The following GALNT10 variants were observed in gnomAD, a reference collection of about 807,000 sequenced individuals.
The protein encoded by GALNT10 is polypeptide N-acetylgalactosaminyltransferase 10.
GALNT10 carries 41 observed loss-of-function variants against 75.0 expected under a neutral mutation model. The observed-to-expected ratio is 0.55, with a 90% confidence interval of 0.43 to 0.71. The LOEUF (loss-of-function observed/expected upper bound fraction) is 0.71. Among genes scored for constraint, GALNT10 ranks in the 30% least tolerant of loss-of-function variants. GALNT10 has a pLI of 0.00. For missense variants in GALNT10, 727 were observed against 818.5 expected, an observed-to-expected ratio of 0.89 and a Z score of 1.36; for synonymous variants, 302 against 313.0, an observed-to-expected ratio of 0.96 and a Z score of 0.37.
In GALNT10 at chr5:154,190,946, T is replaced by A; in HGVS notation, c.80T>A (p.Leu27His). The A allele has an allele frequency of 1.3e-6, 2 of 1,510,716 alleles. No individual in the cohort carries two copies. Among genetic ancestry groups the A allele is most frequent in the Non-Finnish European group, 1.8e-6 (2 of 1,132,166 alleles). 93.6% of individuals were successfully genotyped at this position (1,510,716 alleles called of 1,614,324 possible). Residue 27 changes from leucine to histidine, a missense_variant, in exon 1 of 12, where the codon CTT becomes CAT. Coordinates refer to ENST00000297107, the MANE Select transcript of GALNT10 (RefSeq NM_198321.4). ...CTGGTCCTCCTGCCCAACGTGGGGCTTTGGGCGCTGTACCGCGAGCGGCAG... is the reference window on the plus strand; with the variant it reads ...CTGGTCCTCCTGCCCAACGTGGGGCATTGGGCGCTGTACCGCGAGCGGCAG... ...AALVLLPNVGLWALYRERQPD... is the reference protein window; with the variant it reads ...AALVLLPNVGHWALYRERQPD...
intron 1 of GALNT10, among the ~76,000 whole-genome samples, chr5:154,252,973 T>C (rs1489137166): frequency 1.7e-5 from 1 of 57,854 alleles, no homozygotes; most frequent in Non-Finnish European, 5.3e-5. Flanking sequence ...AACTGTTTTT[T>C]GTTTGTTTGG....
At chr5:154,302,495 G>A (rs994158626) in intron 3 of GALNT10, among the ~76,000 whole-genome samples, 8 of 152,246 alleles carry the variant, frequency 5.3e-5, no homozygotes, top group Non-Finnish European at 1.5e-5. Context: ...GCAACTGAGC[G>A]TGGAGGCCCC....
At chr5:154,299,858 A>G (rs1754335673) in intron 3 of GALNT10, among the ~76,000 whole-genome samples, 1 of 130,650 alleles carries the variant, frequency 7.7e-6, no homozygotes, top group Non-Finnish European at 1.6e-5. Context: ...TTTTTGAGAC[A>G]GGGTCTCGCC....
chr5:154,240,472 G>A (rs2113667830), intron 1 of GALNT10, among the ~76,000 whole-genome samples: 1 of 152,288 alleles, frequency 6.6e-6, no homozygotes. Context: ...CAATTTTGTG[G>A]ACTTCTCAGT....
In GALNT10 at chr5:154,409,230, A is replaced by G. The variant is rs996454244; in HGVS notation, c.1165-311A>G. ...GGGTCCATGCCTTTCCTCCTGCCACATGAGCTGACAGGGAGACAGGGTGGC... is the reference window on the plus strand; with the variant it reads ...GGGTCCATGCCTTTCCTCCTGCCACGTGAGCTGACAGGGAGACAGGGTGGC... On this transcript the variant is annotated intron_variant, in intron 8 of 11. Coordinates refer to ENST00000297107, the MANE Select transcript of GALNT10 (RefSeq NM_198321.4). The surrounding 1 kb of genome is among the most constrained non-coding windows in gnomAD (Gnocchi z 4.5). Among the ~76,000 whole-genome samples the G allele has an allele frequency of 3.9e-5, 6 of 152,178 alleles. No homozygotes were observed. The highest frequency in any genetic ancestry group is 1.9e-4 in the East Asian group (1 of 5,196).
chr5:154,383,032 G>A (rs1184813984), intron 6 of GALNT10, among the ~76,000 whole-genome samples: 1 of 152,216 alleles, frequency 6.6e-6, no homozygotes, highest in East Asian at 1.9e-4. Flanking sequence ...ACTGGAGTCT[G>A]GGGGTGGGAT....
chr5:154,269,085 A>T (rs1280810144), intron 1 of GALNT10, among the ~76,000 whole-genome samples: 1 of 91,592 alleles, frequency 1.1e-5, no homozygotes, highest in African/African-American at 6.6e-5. Flanking sequence ...TCCCGGGTTC[A>T]GGTGATTCCC....
intron 1 of GALNT10, among the ~76,000 whole-genome samples, chr5:154,194,836 T>C (rs1774910853): frequency 6.6e-6 from 1 of 152,240 alleles, no homozygotes; most frequent in Non-Finnish European, 1.5e-5. Context: ...TAACGACATA[T>C]GGAAACTCAT....
At chr5:154,268,538 C>T (rs1197562211) in intron 1 of GALNT10, among the ~76,000 whole-genome samples, 2 of 152,128 alleles carry the variant, frequency 1.3e-5, no homozygotes, top group African/African-American at 4.8e-5. Context: ...ACAGTGTGCA[C>T]ATCTGAGTAA....
intron 1 of GALNT10, among the ~76,000 whole-genome samples, chr5:154,215,053 G>C (rs1752844288): frequency 6.6e-6 from 1 of 152,156 alleles, no homozygotes; most frequent in Non-Finnish European, 1.5e-5. Flanking sequence ...TGTATAACTT[G>C]TGTGATTCTT....
intron 1 of GALNT10, among the ~76,000 whole-genome samples, chr5:154,234,907 T>C (rs371200777): frequency 6.6e-6 from 1 of 152,182 alleles, no homozygotes; most frequent in African/African-American, 2.4e-5. Flanking sequence ...AAGTACCAGA[T>C]AGGAGGAGAG....
intron 1 of GALNT10, among the ~76,000 whole-genome samples, chr5:154,196,050 A>G (rs1042568893): frequency 7.9e-5 from 12 of 151,972 alleles, no homozygotes; most frequent in Non-Finnish European, 1.5e-4. Context: ...AGCCTTCCCA[A>G]GTAGCTGGGA....
intron 3 of GALNT10, among the ~76,000 whole-genome samples, chr5:154,303,438 C>T (rs1754388057): frequency 1.3e-5 from 2 of 152,136 alleles, no homozygotes; most frequent in African/African-American, 4.8e-5. Flanking sequence ...CTCAAACACT[C>T]AGTGGATTAT....
intron 1 of GALNT10, among the ~76,000 whole-genome samples, chr5:154,288,549 T>C (rs1260904927): frequency 6.6e-6 from 1 of 151,762 alleles, no homozygotes; most frequent in African/African-American, 2.4e-5. Context: ...ATTTATTATT[T>C]AATGTGATTT....
intron 1 of GALNT10, among the ~76,000 whole-genome samples, chr5:154,209,231 G>A (rs749670916): frequency 6.6e-6 from 1 of 152,216 alleles, no homozygotes; most frequent in Non-Finnish European, 1.5e-5. Context: ...GACGCCACCC[G>A]TGCTGCCTGC....
intron 1 of GALNT10, among the ~76,000 whole-genome samples, chr5:154,203,052 G>A (rs71590131): frequency 0.024 from 3,648 of 152,344 alleles, 69 homozygotes; most frequent in South Asian, 0.095. Flanking sequence ...CATTTGATTA[G>A]TTTTAACTCT....
intron 1 of GALNT10, among the ~76,000 whole-genome samples, chr5:154,286,671 C>T (rs1270416812): frequency 6.6e-6 from 1 of 152,124 alleles, no homozygotes; most frequent in African/African-American, 2.4e-5. Flanking sequence ...CAGGATCAGC[C>T]CTTTGAAACA....
At chr5:154,394,188 G>A (rs1165404701) in intron 7 of GALNT10, among the ~76,000 whole-genome samples, 1 of 152,140 alleles carries the variant, frequency 6.6e-6, no homozygotes, top group Non-Finnish European at 1.5e-5. Context: ...AGGTCTTTGA[G>A]CTTGTTCTGA....
rs569157926 is a variant in GALNT10, at chr5:154,269,032, T to C, written c.160-25784T>C. ...AAGAATCTGAGATGCCCTCATCTCA[T>C]TGTGGCTCAAATGCACCATCTCAGC... On this transcript the variant is annotated intron_variant, in intron 1 of 11. Coordinates refer to ENST00000297107, the MANE Select transcript of GALNT10 (RefSeq NM_198321.4). 1.7e-4 allele frequency among the ~76,000 whole-genome samples: 16 copies of C among 93,432 alleles called. 1 individual carries two copies. Among genetic ancestry groups the C allele is most frequent in the Non-Finnish European group, 3.2e-4 (15 of 46,854 alleles). The allele number at this position is 93,432 out of a possible 152,430, so 61.3% of individuals were successfully genotyped here.
Sources: gnomAD v4.1 joint callset for allele counts (sites outside exome capture counted in the v4.1 genomes callset) on GRCh38, gnomAD v4.1.1 for gene constraint, Gnocchi (gnomAD v3.1) non-coding constraint, MANE v1.5 for transcripts, NCBI Gene and HGNC (gene_info 2026-07-23, HGNC 2026-07-21) for gene names.